The following MAGI1 variants were observed in gnomAD, a reference collection of about 807,000 sequenced individuals.
MAGI1 encodes membrane-associated guanylate kinase, WW and PDZ domain-containing protein 1.
MAGI1 carries 58 observed loss-of-function variants against 139.9 expected under a neutral mutation model. The observed-to-expected ratio is 0.41, with a 90% confidence interval of 0.34 to 0.52. The LOEUF is 0.52. Ranked by LOEUF, MAGI1 falls within the 20% of genes least tolerant of loss-of-function variation. The pLI, the probability that MAGI1 is intolerant of heterozygous loss-of-function variation, is 0.12. For missense variants in MAGI1, 1,874 were observed against 1,901.6 expected (o/e 0.99, Z 0.27); for synonymous variants, 812 against 737.9 (o/e 1.10, Z -1.63).
intron 1 of MAGI1, among the ~76,000 whole-genome samples, chr3:65,656,473 A>C (rs2085882583): frequency 6.6e-6 from 1 of 152,196 alleles, no homozygotes; most frequent in Admixed American, 6.5e-5. Context: ...CACATGTTTT[A>C]GGTGCTTTTC....
chr3:65,811,947 T>TGA (rs1189249558), intron 1 of MAGI1, among the ~76,000 whole-genome samples: 2 of 133,844 alleles, frequency 1.5e-5, no homozygotes, highest in Non-Finnish European at 3.1e-5. Flanking sequence ...TGTGTGTGTG[T>TGA]GTGTGTGTGT....
intron 1 of MAGI1, among the ~76,000 whole-genome samples, chr3:65,789,144 G>C (rs1199182572): frequency 6.6e-6 from 1 of 152,106 alleles, no homozygotes; most frequent in Admixed American, 6.5e-5. Context: ...TCGCACCACT[G>C]CACTCCAGCC....
At chr3:65,583,226 C>T (rs1010262240) in intron 2 of MAGI1, among the ~76,000 whole-genome samples, 2 of 152,150 alleles carry the variant, frequency 1.3e-5, no homozygotes, top group Non-Finnish European at 2.9e-5. Flanking sequence ...TGTCAAGCAC[C>T]TTCTCTCCCA....
intron 1 of MAGI1, among the ~76,000 whole-genome samples, chr3:65,711,657 T>C (rs991479664): frequency 1.7e-4 from 26 of 152,078 alleles, no homozygotes; most frequent in Non-Finnish European, 3.5e-4. Flanking sequence ...CCAATACAAT[T>C]GGTGTCCTGA....
chr3:65,912,278 A>G (rs2061703706), intron 1 of MAGI1, among the ~76,000 whole-genome samples: 1 of 151,726 alleles, frequency 6.6e-6, no homozygotes, highest in Non-Finnish European at 1.5e-5. Flanking sequence ...AATCATACAC[A>G]TCGTGTTCTC....
intron 1 of MAGI1, among the ~76,000 whole-genome samples, chr3:66,031,099 T>C (rs1039934270): frequency 1.3e-5 from 2 of 152,102 alleles, no homozygotes; most frequent in South Asian, 2.1e-4. Context: ...GTACTAGGGA[T>C]TTTTCAAGGT....
intron 1 of MAGI1, among the ~76,000 whole-genome samples, chr3:65,763,169 A>T (rs2037175574): frequency 6.6e-6 from 1 of 152,194 alleles, no homozygotes; most frequent in Non-Finnish European, 1.5e-5. Flanking sequence ...CGTATCATCA[A>T]GGATGGGAAG....
At chr3:65,530,768 TATATAC>T (rs141074023) in intron 2 of MAGI1, among the ~76,000 whole-genome samples, 50,004 of 76,926 alleles carry the variant, frequency 0.65, 14,892 homozygotes, top group East Asian at 0.82. Flanking sequence ...TATATATATA[TATATAC>T]ACACATATAT....
intron 2 of MAGI1, chr3:65,609,704 C>T: frequency 4.6e-6 from 1 of 217,502 alleles, no homozygotes; most frequent in Non-Finnish European, 1.0e-5. Flanking sequence ...CCCACCTCAG[C>T]CTATTGAATT....
In MAGI1 at chr3:65,749,710, T is replaced by TTAAA. The variant is rs67423926; in HGVS notation, c.314-127623_314-127622insTTTA. Among the ~76,000 whole-genome samples, 81 of 134,816 alleles carry TTAAA rather than the reference T, an allele frequency of 6.0e-4. 4 individuals carry two copies. The highest frequency in any genetic ancestry group is 3.8e-3 in the Middle Eastern group (1 of 262). 88.4% of individuals were successfully genotyped at this position (134,816 alleles called of 152,430 possible). Reference sequence around the variant, plus strand: ...ATATAAAACCAGGTCTAGTCTGAGTTAAAAAAAAAAAAAAAAAACTGCTGT... The same window carrying TTAAA: ...ATATAAAACCAGGTCTAGTCTGAGTTTAAAAAAAAAAAAAAAAAAAAACTGCTGT... On this transcript the variant is annotated intron_variant, in intron 1 of 22. Transcript: ENST00000402939.
At chr3:65,471,030 A>G (rs1950529553) in intron 4 of MAGI1, among the ~76,000 whole-genome samples, 1 of 152,162 alleles carries the variant, frequency 6.6e-6, no homozygotes, top group Admixed American at 6.5e-5. Context: ...ATTAAGCTGA[A>G]ACGTATACAA....
At chr3:65,598,762 T>C (rs1263451223) in intron 2 of MAGI1, among the ~76,000 whole-genome samples, 1 of 152,148 alleles carries the variant, frequency 6.6e-6, no homozygotes, top group Non-Finnish European at 1.5e-5. Context: ...CTGGTGCAGA[T>C]GGTTGGCAAA....
intron 6 of MAGI1, 93 bp downstream of exon 6, chr3:65,453,165 A>C: frequency 9.3e-7 from 1 of 1,077,454 alleles, no homozygotes; most frequent in Admixed American, 1.8e-5. Context: ...AACTCAACAT[A>C]AGACCCGACT....
intron 1 of MAGI1, among the ~76,000 whole-genome samples, chr3:65,916,555 C>T (rs1416406263): frequency 1.3e-5 from 2 of 152,128 alleles, no homozygotes; most frequent in Admixed American, 6.6e-5. Flanking sequence ...GACTTTTTCA[C>T]TACCACAAGA....
intron 2 of MAGI1, among the ~76,000 whole-genome samples, chr3:65,581,056 C>T (rs970060697): frequency 1.3e-5 from 2 of 151,958 alleles, no homozygotes; most frequent in African/African-American, 4.8e-5. Context: ...TCTCATACCA[C>T]CCATCAAAAA....
At chr3:65,475,195 G>T (rs1950818283) in intron 4 of MAGI1, among the ~76,000 whole-genome samples, 1 of 151,850 alleles carries the variant, frequency 6.6e-6, no homozygotes, top group South Asian at 2.1e-4. Context: ...TAGTTGTGGT[G>T]ATTTGTTACA....
chr3:65,936,025 T>C (rs183066679), intron 1 of MAGI1, among the ~76,000 whole-genome samples: 2 of 152,292 alleles, frequency 1.3e-5, no homozygotes, highest in East Asian at 3.9e-4. Flanking sequence ...TAACAAATCA[T>C]TGGTTTTCTT....
chr3:65,914,111 T>G (rs2061788626), intron 1 of MAGI1: 1 of 152,152 alleles, frequency 6.6e-6, no homozygotes, highest in African/African-American at 2.4e-5. Flanking sequence ...ATGATCAAAA[T>G]CACCTCAGGG....
intron 1 of MAGI1, among the ~76,000 whole-genome samples, chr3:66,007,610 T>C (rs1412428295): frequency 6.6e-6 from 1 of 152,166 alleles, no homozygotes; most frequent in Non-Finnish European, 1.5e-5. Context: ...GCAGCTGTTG[T>C]CAGTAGGTCT....
Sources: allele counts gnomAD v4.1 joint callset (sites outside exome capture counted in the v4.1 genomes callset), GRCh38; gene constraint gnomAD v4.1.1; transcripts MANE v1.5; gene names NCBI Gene and HGNC (gene_info 2026-07-23, HGNC 2026-07-21).